Variants in GNB5 observed in about 807,000 individuals in gnomAD.
The protein encoded by GNB5 is guanine nucleotide-binding protein subunit beta-5.
In GNB5, 37 loss-of-function variants were observed where a neutral mutation model predicts 55.3. The ratio of observed to expected loss-of-function variants is 0.67; its 90% CI spans 0.51 to 0.88. The LOEUF (loss-of-function observed/expected upper bound fraction) is 0.88, where lower values mean the gene tolerates loss of function less well. GNB5 is among the 40% of genes least tolerant of loss of function. GNB5 has a pLI of 0.00. For synonymous variants in GNB5, 219 were observed against 198.5 expected (o/e 1.10, Z -0.87); for missense variants, 476 against 515.3 (o/e 0.92, Z 0.74).
rs2141181367 is a variant in GNB5 at position 52,124,489 on chromosome 15, C to G, written c.1160G>C (p.Trp387Ser). ...PDGTAFCSGS[W>S]DHTLRVWA is the part of the protein sequence containing the mutation. ...CCCTCTTACTCTGAGGGTATGATCC[C>G]ATGATCCAGAGCAGAAAGCAGTCCC... The change falls in exon 12 of 13, where the codon TGG (tryptophan) becomes TCG (serine). Residue 387 changes from tryptophan (W) to serine (S), a missense_variant. Coordinates refer to ENST00000261837, the MANE Select transcript of GNB5 (RefSeq NM_016194.4). 2 of 1,613,784 alleles carry G rather than the reference C, an allele frequency of 1.2e-6. No homozygotes were observed. The highest frequency in any genetic ancestry group is 1.7e-6 in the Non-Finnish European group (2 of 1,179,728).
chr15:52,161,328 C>T (rs993297010), intron 3 of GNB5, among the ~76,000 whole-genome samples: 5 of 152,166 alleles, frequency 3.3e-5, no homozygotes, highest in Non-Finnish European at 5.9e-5. Flanking sequence ...GACAGAGTCT[C>T]GCTCTGTTGC....
At chr15:52,163,481 C>T (rs773257409) in intron 3 of GNB5, among the ~76,000 whole-genome samples, 34 of 152,212 alleles carry the variant, frequency 2.2e-4, no homozygotes, top group Admixed American at 3.9e-4. Context: ...CTGAGACGAC[C>T]GAGCTGGGTG....
chr15:52,166,113 A>G (rs190414106), intron 3 of GNB5, among the ~76,000 whole-genome samples: 18 of 152,374 alleles, frequency 1.2e-4, no homozygotes, highest in Admixed American at 7.2e-4. Flanking sequence ...ACATAATGGT[A>G]AAGTGTTCAA....
chr15:52,157,233 G>A (rs977456476), intron 3 of GNB5, among the ~76,000 whole-genome samples: 1 of 146,634 alleles, frequency 6.8e-6, no homozygotes, highest in African/African-American at 2.5e-5. Flanking sequence ...ACGGCACCCG[G>A]CCTGATTCTT....
At chr15:52,148,456 GC>G (rs1394822625) in intron 5 of GNB5, among the ~76,000 whole-genome samples, 1 of 152,138 alleles carries the variant, frequency 6.6e-6, no homozygotes, top group Admixed American at 6.5e-5. Flanking sequence ...AACCACCGTG[GC>G]ACACATGGCT....
intron 3 of GNB5, among the ~76,000 whole-genome samples, chr15:52,162,283 G>A (rs1164001314): frequency 6.6e-6 from 1 of 152,190 alleles, no homozygotes; most frequent in South Asian, 2.1e-4. Context: ...TCACGATGTG[G>A]CTTACTCTCA....
chr15:52,167,477 C>T (rs1394788734), intron 3 of GNB5, among the ~76,000 whole-genome samples: 2 of 152,134 alleles, frequency 1.3e-5, no homozygotes, highest in South Asian at 2.1e-4. Flanking sequence ...TGAGACCAGC[C>T]TGGCCAACAT....
intron 12 of GNB5, 62 bp from the exon 13 acceptor site, chr15:52,122,830 CT>C (rs1267450478): frequency 1.5e-6 from 2 of 1,290,436 alleles, no homozygotes; most frequent in African/African-American, 2.9e-5. Flanking sequence ...AAAACTTGAG[CT>C]TAAAGAGATA....
intron 3 of GNB5, 126 bp downstream of exon 3, chr15:52,179,642 T>C: frequency 2.3e-6 from 1 of 426,072 alleles, no homozygotes; most frequent in Non-Finnish European, 3.6e-6. Flanking sequence ...AGGGCCCTGC[T>C]CCCGGGCGGT....
intron 6 of GNB5, among the ~76,000 whole-genome samples, chr15:52,145,953 C>CTTTT (rs937011704): frequency 1.3e-4 from 17 of 127,542 alleles, no homozygotes; most frequent in African/African-American, 2.7e-4. Flanking sequence ...TATAATATGA[C>CTTTT]TTTTTTTTTT....
intron 3 of GNB5, 29 bp from the exon 4 acceptor site, chr15:52,154,105 C>A (rs757503995): frequency 2.5e-6 from 4 of 1,607,342 alleles, no homozygotes; most frequent in Non-Finnish European, 3.4e-6. Context: ...AGTCAGTCCC[C>A]TTGCTAAGGA....
rs10664102 is a variant in GNB5, at chr15:52,120,623, CA to C, written c.*2133del. Reference sequence around the variant, plus strand: ...GGAGCCGGAAGGCACAGTGCAGAGACAAAAAAAAAAATGGCTGTGGGAGAGA... The same window carrying C: ...GGAGCCGGAAGGCACAGTGCAGAGACAAAAAAAAAATGGCTGTGGGAGAGA... On this transcript the variant is annotated 3_prime_UTR_variant, in exon 13 of 13. Coordinates refer to ENST00000261837, the MANE Select transcript of GNB5 (RefSeq NM_016194.4). 124 of 148,010 alleles carry C rather than the reference CA, an allele frequency of 8.4e-4. No homozygotes were observed. The highest frequency in any genetic ancestry group is 1.9e-3 in the Admixed American group (28 of 14,994). 9.2% of individuals were successfully genotyped at this position (148,010 alleles called of 1,614,324 possible).
chr15:52,121,053 A>T lies in GNB5; in HGVS notation c.*1704T>A, dbSNP rs908905539. 3 of 152,150 alleles carry T rather than the reference A, an allele frequency of 2.0e-5. No individual in the cohort carries two copies. The highest frequency in any genetic ancestry group is 4.8e-5 in the African/African-American group (2 of 41,428). 9.4% of individuals were successfully genotyped at this position (152,150 alleles called of 1,614,324 possible). On this transcript the variant is annotated 3_prime_UTR_variant, in exon 13 of 13. Coordinates refer to ENST00000261837, the MANE Select transcript of GNB5 (RefSeq NM_016194.4). ...GCAGTTGTGAGGGTGGGCCTGGCAC[A>T]CCCCTGGATGTTTACAGGAGCATCT...
chr15:52,154,983 T>C (rs2034177017), intron 3 of GNB5, among the ~76,000 whole-genome samples: 1 of 152,166 alleles, frequency 6.6e-6, no homozygotes, highest in South Asian at 2.1e-4. Flanking sequence ...GGGACAAGTT[T>C]GTAGGAAGTG....
chr15:52,143,395 C>T (rs145946333), intron 6 of GNB5, among the ~76,000 whole-genome samples: 1 of 152,138 alleles, frequency 6.6e-6, no homozygotes, highest in South Asian at 2.1e-4. Flanking sequence ...TGCTTTAGTA[C>T]CTAACTAATG....
chr15:52,173,929 A>C (rs1410064971), intron 3 of GNB5, among the ~76,000 whole-genome samples: 1 of 152,224 alleles, frequency 6.6e-6, no homozygotes, highest in African/African-American at 2.4e-5. Flanking sequence ...AGGTATCCAC[A>C]TCCTAATCCC....
At position 52,137,613 on chromosome 15, in the gene GNB5, C is replaced by T. The variant is rs1049124401; in HGVS notation, c.628-1857G>A. 13 of 1,116,616 alleles carry T rather than the reference C, an allele frequency of 1.2e-5. No homozygotes were observed. The African/African-American group carries it at 2.0e-4, about 17-fold the overall frequency. 69.2% of individuals were successfully genotyped at this position (1,116,616 alleles called of 1,614,324 possible). A position where few individuals can be genotyped will look rare whatever the true frequency, so the allele number is the denominator to read the frequency against. ...ATAGAGTAAAGGCACACAGGGGTGC[C>T]CAGGGAAAGACATGGGGACAGGGCT... On this transcript the variant is annotated intron_variant, in intron 7 of 12. Coordinates refer to ENST00000261837, the MANE Select transcript of GNB5 (RefSeq NM_016194.4).
chr15:52,139,733 C>A (rs937085788), intron 7 of GNB5: 6 of 1,105,862 alleles, frequency 5.4e-6, no homozygotes, highest in Non-Finnish European at 6.9e-6. Flanking sequence ...TCCCAGGCCG[C>A]GTCCCCGCCG....
intron 6 of GNB5, among the ~76,000 whole-genome samples, chr15:52,142,311 C>T (rs921830339): frequency 6.6e-6 from 1 of 152,164 alleles, no homozygotes; most frequent in Non-Finnish European, 1.5e-5. Flanking sequence ...ACCTTTCATA[C>T]AAAGGCTTTA....
Sources: allele counts gnomAD v4.1 joint callset (sites outside exome capture counted in the v4.1 genomes callset), GRCh38; gene constraint gnomAD v4.1.1; transcripts MANE v1.5; gene names NCBI Gene and HGNC (gene_info 2026-07-23, HGNC 2026-07-21).